Variants in SCO1 observed in about 807,000 individuals in gnomAD.
SCO1 encodes cytochrome c oxidase assembly factor SCO1.
SCO1 carries 23 observed loss-of-function variants against 34.0 expected under a neutral mutation model. The observed-to-expected ratio is 0.68, with a 90% CI of 0.49 to 0.96. SCO1 has a LOEUF of 0.96. Among genes scored for constraint, SCO1 ranks in the 40% least tolerant of loss-of-function variants. SCO1 has a pLI of 0.00. For synonymous variants in SCO1, 161 were observed against 145.5 expected (o/e 1.11, Z -0.77); for missense variants, 404 against 381.6 (o/e 1.06, Z -0.49).
chr17:10,681,362 C>CT, intron 5 of SCO1, 109 bp from the exon 6 acceptor site: 1 of 1,154,300 alleles, frequency 8.7e-7, no homozygotes, highest in Non-Finnish European at 1.3e-6. Flanking sequence ...CTTAAATAAC[C>CT]TTTACAGCAT....
Position 10,674,517 on chromosome 17 carries a change from A to G in SCO1, c.*6602T>C. On this transcript the variant is annotated 3_prime_UTR_variant, in exon 6 of 6. Transcript: ENST00000255390. ...AAGCTGCATTTCTGCTAAGTACCCC[A>G]GTGGTGTGACACTGCCGGACCACAG... 1 of 234,480 alleles carries G rather than the reference A, an allele frequency of 4.3e-6. No homozygotes were observed. Among genetic ancestry groups the G allele is most frequent in the Non-Finnish European group, 8.5e-6 (1 of 117,234 alleles). 14.5% of individuals were successfully genotyped at this position (234,480 alleles called of 1,614,324 possible). A position where few individuals can be genotyped will look rare whatever the true frequency, so the allele number is the denominator to read the frequency against.
In SCO1 at chr17:10,675,611, A is replaced by G. The variant is rs2074575562; in HGVS notation, c.*5508T>C. 1 of 152,212 alleles carries G rather than the reference A, an allele frequency of 6.6e-6. No homozygotes were observed. Among genetic ancestry groups the G allele is most frequent in the South Asian group, 2.1e-4 (1 of 4,830 alleles). 9.4% of individuals were successfully genotyped at this position (152,212 alleles called of 1,614,324 possible). A position where few individuals can be genotyped will look rare whatever the true frequency, so the allele number is the denominator to read the frequency against. ...CTCTCCTGGCACCCCCTTCTGAATT[A>G]CTAACCATCTCACCTCCTGCCAGAG... On this transcript the variant is annotated 3_prime_UTR_variant, in exon 6 of 6. Coordinates refer to ENST00000255390, the MANE Select transcript of SCO1 (RefSeq NM_004589.4).
intron 5 of SCO1, among the ~76,000 whole-genome samples, chr17:10,685,546 C>T (rs190666318): frequency 1.3e-4 from 20 of 152,288 alleles, no homozygotes; most frequent in Admixed American, 3.3e-4. Flanking sequence ...AATTTAAGAG[C>T]TACACAAGTA....
intron 5 of SCO1, among the ~76,000 whole-genome samples, chr17:10,681,807 G>A (rs2074623711): frequency 6.6e-6 from 1 of 152,248 alleles, no homozygotes; most frequent in Middle Eastern, 3.4e-3. Context: ...TTTATGAGAA[G>A]AAATCAGAAA....
chr17:10,687,927 C>T (rs892495916), intron 4 of SCO1, among the ~76,000 whole-genome samples: 2 of 152,160 alleles, frequency 1.3e-5, no homozygotes, highest in East Asian at 3.9e-4. Flanking sequence ...GAAGACTGTG[C>T]ATAACTCAAT....
intron 4 of SCO1, 95 bp downstream of exon 4, chr17:10,691,777 T>C (rs2074691045): frequency 3.5e-5 from 27 of 771,952 alleles, no homozygotes; most frequent in Non-Finnish European, 5.4e-5. Flanking sequence ...ATAATACCAT[T>C]TGTCCTATTT....
At chr17:10,686,249 A>T (rs1435113619) in intron 5 of SCO1, among the ~76,000 whole-genome samples, 1 of 150,918 alleles carries the variant, frequency 6.6e-6, no homozygotes, top group Non-Finnish European at 1.5e-5. Context: ...CTCGAAAATA[A>T]ATAAAAAGTA....
In SCO1 at chr17:10,680,952, T is replaced by C; in HGVS notation, c.*167A>G. 1.3e-6 allele frequency: 1 copy of C among 775,986 alleles called. No individual in the cohort carries two copies. The highest frequency in any genetic ancestry group is 2.2e-6 in the Non-Finnish European group (1 of 460,784). The allele number at this position is 775,986 out of a possible 1,614,324, so 48.1% of individuals were successfully genotyped here. ...TCTTTACAGTTCCAAGAATCAATTTTGGTTGAACGCAAGGGTAACATCCCC... is the reference window on the plus strand; with the variant it reads ...TCTTTACAGTTCCAAGAATCAATTTCGGTTGAACGCAAGGGTAACATCCCC... On this transcript the variant is annotated 3_prime_UTR_variant, in exon 6 of 6. Coordinates refer to ENST00000255390, the MANE Select transcript of SCO1 (RefSeq NM_004589.4).
chr17:10,685,961 C>A (rs2074652737), intron 5 of SCO1, among the ~76,000 whole-genome samples: 1 of 152,214 alleles, frequency 6.6e-6, no homozygotes, highest in African/African-American at 2.4e-5. Flanking sequence ...GGCGCAGTGG[C>A]TCAGGCCTGT....
At chr17:10,687,618 T>C (rs1378333764) in intron 4 of SCO1, among the ~76,000 whole-genome samples, 2 of 152,242 alleles carry the variant, frequency 1.3e-5, no homozygotes, top group Non-Finnish European at 2.9e-5. Flanking sequence ...GCTTTCTTTT[T>C]CCACTCTGAG....
intron 1 of SCO1, 52 bp downstream of exon 1, chr17:10,697,183 G>A: frequency 6.9e-7 from 1 of 1,458,604 alleles, no homozygotes. Context: ...GTGGCCGCTG[G>A]GCTGGCCGAC....
chr17:10,681,220 G>A lies in SCO1; in HGVS notation c.805C>T (p.Pro269Ser), dbSNP rs1324042926. The A allele has an allele frequency of 3.1e-6, 5 of 1,613,968 alleles. No homozygotes were observed. Among genetic ancestry groups the A allele is most frequent in the Non-Finnish European group, 4.2e-6 (5 of 1,179,962 alleles). The change falls in exon 6 of 6, where the codon CCA (proline) becomes TCA (serine). Residue 269 changes from proline (P) to serine (S), a missense_variant. By Grantham distance (74) the Pro-to-Ser change is moderately conservative. Transcript: ENST00000255390. ...AAATAATCTAGAAACTCACCATCTG[G>A]TCCAATCAAGTACATTATTATTGTG... ...DHTIIMYLIGPDGEFLDYFGQ... is the reference protein window; with the variant it reads ...DHTIIMYLIGSDGEFLDYFGQ...
chr17:10,691,991 A>C (rs1248589277), intron 3 of SCO1, 27 bp from the exon 4 acceptor site: 1 of 1,467,644 alleles, frequency 6.8e-7, no homozygotes, highest in Admixed American at 1.7e-5. Context: ...ATTAGTCCGT[A>C]TTCACACCCT....
At chr17:10,689,115 CAAAAAA>C (rs556558488) in intron 4 of SCO1, among the ~76,000 whole-genome samples, 1 of 67,924 alleles carries the variant, frequency 1.5e-5, no homozygotes, top group Non-Finnish European at 2.5e-5. Context: ...GACTCCGTCT[CAAAAAA>C]AAAAAAAAAA....
chr17:10,692,612 A>G, intron 3 of SCO1, 152 bp downstream of exon 3: 1 of 694,422 alleles, frequency 1.4e-6, no homozygotes, highest in Non-Finnish European at 2.5e-6. Flanking sequence ...AGGTCACAAG[A>G]TTCAAAGCAA....
intron 2 of SCO1, 27 bp downstream of exon 2, chr17:10,695,714 G>A (rs199707350): frequency 1.4e-6 from 2 of 1,472,848 alleles, no homozygotes; most frequent in Non-Finnish European, 9.3e-7. Context: ...CCTTTATACA[G>A]GGCTGAGCAG....
Position 10,676,432 on chromosome 17 carries a change from A to T in SCO1, c.*4687T>A, listed in dbSNP as rs1371345538. On this transcript the variant is annotated 3_prime_UTR_variant, in exon 6 of 6. Transcript: ENST00000255390. Reference sequence around the variant, plus strand: ...AAAGGACAAAGTTGGTCTCTTTCAGAGGCACATGCTGGGAATGGGCTGGGG... The same window carrying T: ...AAAGGACAAAGTTGGTCTCTTTCAGTGGCACATGCTGGGAATGGGCTGGGG... The T allele has an allele frequency of 6.6e-6, 1 of 152,024 alleles. No homozygotes were observed. Among genetic ancestry groups the T allele is most frequent in the East Asian group, 1.9e-4 (1 of 5,184 alleles). 9.4% of individuals were successfully genotyped at this position (152,024 alleles called of 1,614,324 possible).
rs1185803249 is a variant in SCO1, at chr17:10,676,521, GTACATCAATTAGTTAACTATTC to G, written c.*4576_*4597del. 6.6e-6 allele frequency: 1 copy of G among 152,142 alleles called. No homozygotes were observed. The highest frequency in any genetic ancestry group is 1.5e-5 in the Non-Finnish European group (1 of 68,044). The allele number at this position is 152,142 out of a possible 1,614,324, so 9.4% of individuals were successfully genotyped here. On this transcript the variant is annotated 3_prime_UTR_variant, in exon 6 of 6. Coordinates refer to ENST00000255390, the MANE Select transcript of SCO1 (RefSeq NM_004589.4). Reference sequence around the variant, plus strand: ...GGTAATCACTGAAGCTTGCTGATGGGTACATCAATTAGTTAACTATTCTACTTTTTGAATAAGTTTCCAAATT... The same window carrying G: ...GGTAATCACTGAAGCTTGCTGATGGGTACTTTTTGAATAAGTTTCCAAATT...
At chr17:10,686,487 T>C (rs1025947013) in intron 5 of SCO1, among the ~76,000 whole-genome samples, 2 of 135,414 alleles carry the variant, frequency 1.5e-5, no homozygotes, top group Non-Finnish European at 3.2e-5. Context: ...GAGGCTGACA[T>C]AGGAGAATTG....
Sources: allele counts gnomAD v4.1 joint callset (sites outside exome capture counted in the v4.1 genomes callset), GRCh38; gene constraint gnomAD v4.1.1; transcripts MANE v1.5; gene names NCBI Gene and HGNC (gene_info 2026-07-23, HGNC 2026-07-21).